SLC38A7: variants seen among roughly 807,000 people sequenced by gnomAD.
The protein encoded by SLC38A7 is sodium-coupled neutral amino acid transporter 7.
In SLC38A7, 29 loss-of-function variants were observed where a neutral mutation model predicts 50.1. The ratio of observed to expected loss-of-function variants is 0.58; its 90% CI spans 0.43 to 0.79. The LOEUF (loss-of-function observed/expected upper bound fraction) is 0.79, where lower values mean the gene tolerates loss of function less well. Among genes scored for constraint, SLC38A7 ranks in the 30% least tolerant of loss-of-function variants. The pLI, the probability that SLC38A7 is intolerant of heterozygous loss-of-function variation, is 0.00. For missense variants in SLC38A7, 483 were observed against 610.6 expected (o/e 0.79, Z 2.20); for synonymous variants, 244 against 245.9 (o/e 0.99, Z 0.07).
intron 2 of SLC38A7, among the ~76,000 whole-genome samples, chr16:58,682,555 G>T (rs1353261303): frequency 1.3e-5 from 2 of 151,996 alleles, no homozygotes; most frequent in Non-Finnish European, 2.9e-5. Flanking sequence ...AATCTACCAG[G>T]CTCAAGCAAT....
rs2044259179 is a variant in SLC38A7, at chr16:58,676,017, T to C, written c.806A>G (p.Gln269Arg). Residue 269 changes from glutamine (Q) to arginine (R), a missense_variant, in exon 8 of 12, where the codon CAG (glutamine) becomes CGG (arginine). Gln to Arg is a conservative substitution (Grantham distance 43). Transcript: ENST00000219320. The stretch of plus-strand genomic sequence containing the variant: ...ACCCCAGGTCTTCACTTCAGGCTGC[T>C]GCATGCTGTTGAAGACGGGCACACT... ...VSSVPVFNSM[Q>R]QPEVKTWGGV... 3.7e-6 allele frequency: 6 copies of C among 1,613,614 alleles called. No homozygotes were observed. Among genetic ancestry groups the C allele is most frequent in the Non-Finnish European group, 5.1e-6 (6 of 1,179,870 alleles).
At chr16:58,675,843 C>T (rs2044252640) in intron 8 of SLC38A7, 97 bp downstream of exon 8, 3 of 921,914 alleles carry the variant, frequency 3.3e-6, no homozygotes, top group Non-Finnish European at 3.3e-6. Context: ...GCTGGGAATG[C>T]AGGGCTGTCC....
intron 7 of SLC38A7, 66 bp downstream of exon 7, chr16:58,676,223 C>T: frequency 6.2e-7 from 1 of 1,609,012 alleles, no homozygotes; most frequent in Non-Finnish European, 8.5e-7. Flanking sequence ...CTCCTCCTTG[C>T]TGGGTTCCAT....
At chr16:58,671,959 C>T in intron 9 of SLC38A7, 137 bp downstream of exon 9, 1 of 1,078,490 alleles carries the variant, frequency 9.3e-7, no homozygotes, top group Non-Finnish European at 1.3e-6. Flanking sequence ...TATGTAGGGA[C>T]CCATCCTAGG....
In SLC38A7 at chr16:58,678,963, A is replaced by G. The variant is rs537608243; in HGVS notation, c.271-69T>C. The G allele has an allele frequency of 7.8e-5, 118 of 1,504,632 alleles. 1 individual carries two copies. In the South Asian group the frequency reaches 1.3e-3, roughly 17 times the overall value. 93.2% of individuals were successfully genotyped at this position (1,504,632 alleles called of 1,614,324 possible). On this transcript the variant is annotated intron_variant, in intron 3 of 11. Transcript: ENST00000219320. This position sits in a 1 kb window ranked among gnomAD's most constrained non-coding sequence, Gnocchi z 4.0. ...AGCAGAGGGCACCCTGGGCTCGCCTAGCATTTACTGGGCCAGTGCCCAAAG... is the reference window on the plus strand; with the variant it reads ...AGCAGAGGGCACCCTGGGCTCGCCTGGCATTTACTGGGCCAGTGCCCAAAG...
At chr16:58,667,534 T>C in intron 11 of SLC38A7, 47 bp from the exon 12 acceptor site, 2 of 1,435,284 alleles carry the variant, frequency 1.4e-6, no homozygotes, top group Non-Finnish European at 1.9e-6. Flanking sequence ...TCCCATCCCA[T>C]GACTGCAGAC....
intron 3 of SLC38A7, chr16:58,679,516 G>T: frequency 2.0e-6 from 1 of 505,086 alleles, no homozygotes; most frequent in Non-Finnish European, 3.5e-6. Context: ...CATTTATTGT[G>T]AAGCCAATAT....
intron 8 of SLC38A7, chr16:58,675,386 A>G (rs2044245738): frequency 2.4e-6 from 1 of 414,702 alleles, no homozygotes; most frequent in Non-Finnish European, 4.7e-6. Flanking sequence ...ACAATGGCAC[A>G]TGGCTGTAGT....
Position 58,671,314 on chromosome 16 carries a change from C to A in SLC38A7, c.1032-70G>T, listed in dbSNP as rs936290297. On this transcript the variant is annotated intron_variant, in intron 9 of 11. Coordinates refer to ENST00000219320, the MANE Select transcript of SLC38A7 (RefSeq NM_018231.3). Reference sequence around the variant, plus strand: ...GCTCCCCACCTCTAGCTCACAGGAGCCAGACCCCTAACTGGGTAGACTGCG... The same window carrying A: ...GCTCCCCACCTCTAGCTCACAGGAGACAGACCCCTAACTGGGTAGACTGCG... 6.0e-6 allele frequency: 9 copies of A among 1,510,812 alleles called. No homozygotes were observed. In the African/African-American group the frequency reaches 1.2e-4, roughly 21 times the overall value. 93.6% of individuals were successfully genotyped at this position (1,510,812 alleles called of 1,614,324 possible). A position where few individuals can be genotyped will look rare whatever the true frequency, so the allele number is the denominator to read the frequency against.
chr16:58,676,735 T>G (rs1382964135), intron 6 of SLC38A7, among the ~76,000 whole-genome samples: 1 of 152,198 alleles, frequency 6.6e-6, no homozygotes, highest in Non-Finnish European at 1.5e-5. Flanking sequence ...CACTGCAACT[T>G]CTGCCTCCCA....
At position 58,679,863 on chromosome 16, in the gene SLC38A7, C is replaced by T. The variant is rs1263342908; in HGVS notation, c.264G>A (p.Leu88=). 6.2e-7 allele frequency: 1 copy of T among 1,613,826 alleles called. No homozygotes were observed. The highest frequency in any genetic ancestry group is 8.5e-7 in the Non-Finnish European group (1 of 1,180,018). ...TCCCGGCCAGTGCACTCACCATCTGCAGTGCGATGCCTGCTGCCACGCCCC... is the reference window on the plus strand; with the variant it reads ...TCCCGGCCAGTGCACTCACCATCTGTAGTGCGATGCCTGCTGCCACGCCCC... ...TAGGVAAGIA[L]QMGMLVFIIS... The change falls in exon 3 of 12, where the codon CTG becomes CTA. Residue 88 remains leucine (L), a synonymous_variant. Coordinates refer to ENST00000219320, the MANE Select transcript of SLC38A7 (RefSeq NM_018231.3).
In SLC38A7 at chr16:58,673,910, C is replaced by T. The variant is rs568749064; in HGVS notation, c.884-1667G>A. The stretch of plus-strand genomic sequence containing the variant: ...GCGCGATCTTGGCTCACTGCAACCT[C>T]GGCCTCCCAGGTTCAAGTGATTCTC... On this transcript the variant is annotated intron_variant, in intron 8 of 11. Transcript: ENST00000219320. Among the ~76,000 whole-genome samples, 26 of 151,918 alleles carry T rather than the reference C, an allele frequency of 1.7e-4. No homozygotes were observed. In the South Asian group the frequency reaches 4.8e-3, roughly 28 times the overall value.
chr16:58,680,063 G>A lies in SLC38A7; in HGVS notation c.64C>T (p.Arg22Trp), dbSNP rs377272316. 26 of 1,579,334 alleles carry A rather than the reference G, an allele frequency of 1.6e-5. No homozygotes were observed. Among genetic ancestry groups the A allele is most frequent in the African/African-American group, 4.1e-5 (3 of 73,888 alleles). ...CAGGGACTCTGCAGCAGCCGAGCCC[G>A]CTCCCCGGCATCCGTGCTCAAGTCC... ...EWDLSTDAGE[R>W]ARLLQSPCVD... The change falls in exon 3 of 12, where the codon CGG becomes TGG. Residue 22 changes from arginine to tryptophan, a missense_variant. Transcript: ENST00000219320.
chr16:58,674,607 A>G (rs1004677304), intron 8 of SLC38A7, among the ~76,000 whole-genome samples: 2 of 151,952 alleles, frequency 1.3e-5, no homozygotes, highest in Non-Finnish European at 2.9e-5. Flanking sequence ...TAACTGTACT[A>G]TCACACTGGT....
At chr16:58,675,628 C>T (rs75192863) in intron 8 of SLC38A7, among the ~76,000 whole-genome samples, 2,475 of 152,324 alleles carry the variant, frequency 0.016, 62 homozygotes, top group African/African-American at 0.056. Flanking sequence ...TCCTGCATGA[C>T]TGTCTCTCCA....
intron 2 of SLC38A7, among the ~76,000 whole-genome samples, chr16:58,682,889 G>A (rs1293736671): frequency 6.6e-6 from 1 of 152,138 alleles, no homozygotes; most frequent in Admixed American, 6.5e-5. Flanking sequence ...GCCTCCCAAA[G>A]TGCTAGGATT....
chr16:58,681,460 G>A (rs1419388845), intron 2 of SLC38A7: 2 of 152,126 alleles, frequency 1.3e-5, no homozygotes, highest in Non-Finnish European at 2.9e-5. Context: ...AATCTCGAGA[G>A]GCTCTGAGGA....
In SLC38A7 at chr16:58,679,813, G is replaced by A. The variant is rs111738115; in HGVS notation, c.270+44C>T. ...CGAAGCCTCCCTTTTGAGGCAAAGC[G>A]CCCAACTGAACTGCACCTCTGCCCT... On this transcript the variant is annotated intron_variant, in intron 3 of 11. Coordinates refer to ENST00000219320, the MANE Select transcript of SLC38A7 (RefSeq NM_018231.3). 2,737 of 1,609,598 alleles carry A rather than the reference G, an allele frequency of 1.7e-3. 35 individuals carry two copies. The African/African-American group carries it at 0.028, about 16-fold the overall frequency.
rs776883010 is a variant in SLC38A7 at position 58,678,458 on chromosome 16, C to T, written c.486G>A (p.Ala162=). 125 of 1,561,106 alleles carry T rather than the reference C, an allele frequency of 8.0e-5. No homozygotes were observed. Among genetic ancestry groups the T allele is most frequent in the Middle Eastern group, 1.7e-4 (1 of 5,820 alleles). ...GGCCGCTGGCCCCCTCCGGCTCTTTCGCCATCACAGCTATAACTGCACAGG... is the reference window on the plus strand; with the variant it reads ...GGCCGCTGGCCCCCTCCGGCTCTTTTGCCATCACAGCTATAACTGCACAGG... ...DQQDKIIAVM[A]KEPEGASGPW... is the part of the protein sequence containing the mutation. Residue 162 remains alanine (A), a synonymous_variant, in exon 5 of 12, where the codon GCG becomes GCA. Coordinates refer to ENST00000219320, the MANE Select transcript of SLC38A7 (RefSeq NM_018231.3). This position sits in a 1 kb window ranked among gnomAD's most constrained non-coding sequence, Gnocchi z 4.0.
Sources: allele counts gnomAD v4.1 joint callset (sites outside exome capture counted in the v4.1 genomes callset), GRCh38; gene constraint gnomAD v4.1.1; non-coding constraint Gnocchi (gnomAD v3.1); transcripts MANE v1.5; gene names NCBI Gene and HGNC (gene_info 2026-07-23, HGNC 2026-07-21).